The following SYN3 variants were observed in gnomAD, a reference collection of about 807,000 sequenced individuals.
The protein encoded by SYN3 is synapsin-3.
SYN3 carries 35 observed loss-of-function variants against 65.8 expected under a neutral mutation model. That is an observed-to-expected ratio of 0.53 (90% CI 0.41 to 0.70). SYN3 has a LOEUF of 0.70. SYN3 is among the 30% of genes least tolerant of loss of function. SYN3 has a pLI of 0.00. For missense variants in SYN3, 680 were observed against 749.0 expected (o/e 0.91, Z 1.08); for synonymous variants, 270 against 292.9 (o/e 0.92, Z 0.80).
intron 7 of SYN3, among the ~76,000 whole-genome samples, chr22:32,551,295 AC>A (rs1200294814): frequency 2.0e-5 from 3 of 152,186 alleles, no homozygotes; most frequent in African/African-American, 7.2e-5. Flanking sequence ...CAACAGAGAG[AC>A]TTGCCAGTCA....
intron 4 of SYN3, among the ~76,000 whole-genome samples, chr22:32,894,470 C>T (rs1473802620): frequency 1.3e-5 from 2 of 152,178 alleles, no homozygotes; most frequent in Admixed American, 6.5e-5. Context: ...GCTAGTGACA[C>T]GTGACCCAAT....
chr22:32,892,415 T>C (rs1025911332), intron 4 of SYN3, among the ~76,000 whole-genome samples: 13 of 152,226 alleles, frequency 8.5e-5, no homozygotes, highest in Admixed American at 7.9e-4. Context: ...CAGAGGTTAA[T>C]GGGATAGACG....
intron 7 of SYN3, among the ~76,000 whole-genome samples, chr22:32,576,513 T>C (rs2058852693): frequency 6.6e-6 from 1 of 152,172 alleles, no homozygotes; most frequent in Non-Finnish European, 1.5e-5. Context: ...GGTGACTATT[T>C]TCCGTAAGGT....
chr22:32,836,546 C>A (rs1209522779), intron 6 of SYN3, among the ~76,000 whole-genome samples: 1 of 152,210 alleles, frequency 6.6e-6, no homozygotes, highest in Non-Finnish European at 1.5e-5. Flanking sequence ...TCTCTTTAAT[C>A]ATTCCTCCGC....
chr22:32,538,231 T>A, intron 8 of SYN3, 121 bp from the exon 9 acceptor site: 1 of 796,742 alleles, frequency 1.3e-6, no homozygotes, highest in East Asian at 2.5e-5. Context: ...TAATGGCATG[T>A]ATTCTTACGT....
chr22:32,573,771 T>G (rs568098652), intron 7 of SYN3, among the ~76,000 whole-genome samples: 22 of 146,594 alleles, frequency 1.5e-4, no homozygotes, highest in Admixed American at 4.7e-4. Flanking sequence ...GGGGTTTTTT[T>G]TTTTTTTTTT....
chr22:32,534,390 C>T (rs1320347786), intron 9 of SYN3, among the ~76,000 whole-genome samples: 1 of 144,158 alleles, frequency 6.9e-6, no homozygotes, highest in Non-Finnish European at 1.5e-5. Context: ...CCTGGCCGGA[C>T]AAGAGGCTGT....
intron 7 of SYN3, among the ~76,000 whole-genome samples, chr22:32,594,934 A>C (rs1339425617): frequency 6.6e-6 from 1 of 152,208 alleles, no homozygotes; most frequent in South Asian, 2.1e-4. Flanking sequence ...TTGGCCTCAC[A>C]TTGTTTAACT....
intron 3 of SYN3, among the ~76,000 whole-genome samples, chr22:32,974,151 T>A (rs972701388): frequency 2.6e-5 from 4 of 152,252 alleles, no homozygotes; most frequent in African/African-American, 9.6e-5. Flanking sequence ...TCAAGTGCTT[T>A]AATCAATACT....
intron 2 of SYN3, among the ~76,000 whole-genome samples, chr22:32,992,415 C>T (rs1416565361): frequency 6.6e-6 from 1 of 152,218 alleles, no homozygotes; most frequent in African/African-American, 2.4e-5. Context: ...AAATATGTCT[C>T]CCTCTTTGTT....
At chr22:33,012,288 T>C (rs1285622670) in intron 1 of SYN3, among the ~76,000 whole-genome samples, 2 of 152,266 alleles carry the variant, frequency 1.3e-5, no homozygotes, top group Admixed American at 6.5e-5. Context: ...AAAACATGCA[T>C]TTAATTTTCA....
At chr22:32,563,889 G>A (rs993546324) in intron 7 of SYN3, among the ~76,000 whole-genome samples, 1 of 152,048 alleles carries the variant, frequency 6.6e-6, no homozygotes, top group Non-Finnish European at 1.5e-5. Flanking sequence ...GGATGGTCTC[G>A]AACTCCTGAC....
chr22:32,843,268 G>A (rs915014450), intron 6 of SYN3, among the ~76,000 whole-genome samples: 3 of 152,236 alleles, frequency 2.0e-5, no homozygotes, highest in South Asian at 4.1e-4. Context: ...AATGGTAGTG[G>A]TTGTTATCAG....
chr22:32,883,999 CA>C (rs900858687), intron 4 of SYN3, among the ~76,000 whole-genome samples: 9 of 152,216 alleles, frequency 5.9e-5, no homozygotes, highest in African/African-American at 2.2e-4. Context: ...AAGGTGGTAA[CA>C]ACACTTAGGT....
intron 4 of SYN3, among the ~76,000 whole-genome samples, chr22:32,926,673 A>G (rs1291942583): frequency 6.6e-6 from 1 of 152,208 alleles, no homozygotes; most frequent in Non-Finnish European, 1.5e-5. Context: ...CTTGAATGGA[A>G]AACATTTAGA....
At chr22:32,726,218 C>G (rs12172292) in intron 6 of SYN3, among the ~76,000 whole-genome samples, 3 of 151,822 alleles carry the variant, frequency 2.0e-5, no homozygotes, top group Non-Finnish European at 2.9e-5. Context: ...TCTTGGCTCA[C>G]TGCAACCTCC....
At chr22:32,833,431 C>CA (rs568733893) in intron 6 of SYN3, among the ~76,000 whole-genome samples, 6 of 151,658 alleles carry the variant, frequency 4.0e-5, no homozygotes, top group South Asian at 2.1e-4. Context: ...TTTTTATAGT[C>CA]AAAAAAAATG....
intron 6 of SYN3, among the ~76,000 whole-genome samples, chr22:32,822,070 G>A (rs1227543388): frequency 6.6e-6 from 1 of 150,572 alleles, no homozygotes; most frequent in Non-Finnish European, 1.5e-5. Context: ...CAGGAGAATT[G>A]CTTGAACCTG....
rs117745272 is a variant in SYN3 at position 32,548,333 on chromosome 22, G to A, written c.775-6620C>T. The stretch of plus-strand genomic sequence containing the variant: ...GCCTGGCAAAGTGCTGGGATTACTG[G>A]CTGAGCCATGGTGCCTAGCCTCAGG... On this transcript the variant is annotated intron_variant, in intron 7 of 13. Transcript: ENST00000358763. Among the ~76,000 whole-genome samples, 634 of 152,250 alleles carry A rather than the reference G, an allele frequency of 4.2e-3. 14 individuals carry two copies. Among genetic ancestry groups the A allele is most frequent in the East Asian group, 0.033 (170 of 5,186 alleles).
Sources: allele counts gnomAD v4.1 joint callset (sites outside exome capture counted in the v4.1 genomes callset), GRCh38; gene constraint gnomAD v4.1.1; transcripts MANE v1.5; gene names NCBI Gene and HGNC (gene_info 2026-07-23, HGNC 2026-07-21).